Variants in PNPLA8 observed in about 807,000 individuals in gnomAD.
PNPLA8 encodes the protein patatin like domain 8, phospholipase A2, also known as calcium-independent phospholipase A2-gamma.
PNPLA8 carries 39 observed loss-of-function variants against 76.9 expected under a neutral mutation model. That is an observed-to-expected ratio of 0.51 (90% CI 0.39 to 0.66). The LOEUF (loss-of-function observed/expected upper bound fraction) is 0.66, where lower values mean the gene tolerates loss of function less well. PNPLA8 is among the 30% of genes least tolerant of loss of function. The pLI is 0.00. For missense variants in PNPLA8, 887 were observed against 918.0 expected (o/e 0.97, Z 0.44); for synonymous variants, 301 against 307.9 (o/e 0.98, Z 0.24).
chr7:108,483,769 A>G (rs942736246), intron 9 of PNPLA8, among the ~76,000 whole-genome samples: 2 of 152,166 alleles, frequency 1.3e-5, no homozygotes, highest in East Asian at 3.9e-4. Flanking sequence ...GATTCCTTCA[A>G]TGCAGGTGGT....
chr7:108,476,300 C>T (rs1460942608), intron 10 of PNPLA8, among the ~76,000 whole-genome samples: 1 of 152,030 alleles, frequency 6.6e-6, no homozygotes, highest in Non-Finnish European at 1.5e-5. Flanking sequence ...CCAAATAAGC[C>T]CATTACATGG....
Position 108,470,954 on chromosome 7 carries a change from A to G in PNPLA8, c.*1447T>C, listed in dbSNP as rs1859591722. On this transcript the variant is annotated 3_prime_UTR_variant, in exon 11 of 11. Transcript: ENST00000257694. Reference sequence around the variant, plus strand: ...CACATCTCACAGCCTCTGTGAATTGATATTGCAAAGAAGCAATATGACTAT... The same window carrying G: ...CACATCTCACAGCCTCTGTGAATTGGTATTGCAAAGAAGCAATATGACTAT... 2 of 152,174 alleles carry G rather than the reference A, an allele frequency of 1.3e-5. No individual in the cohort carries two copies. Among genetic ancestry groups the G allele is most frequent in the Admixed American group, 1.3e-4 (2 of 15,266 alleles). 9.4% of individuals were successfully genotyped at this position (152,174 alleles called of 1,614,324 possible).
At chr7:108,509,665 T>C (rs1331848568) in intron 4 of PNPLA8, among the ~76,000 whole-genome samples, 1 of 151,828 alleles carries the variant, frequency 6.6e-6, no homozygotes, top group Non-Finnish European at 1.5e-5. Flanking sequence ...GACCCAGCCA[T>C]TCCATTACTG....
At chr7:108,527,071 C>G (rs768264169), upstream of PNPLA8, among the ~76,000 whole-genome samples, 10 of 152,144 alleles carry the variant, frequency 6.6e-5, no homozygotes, top group Non-Finnish European at 1.3e-4. Context: ...CTTGCAATTA[C>G]GTTGAGGTCG....
intron 2 of PNPLA8, among the ~76,000 whole-genome samples, chr7:108,517,779 T>C (rs989392896): frequency 2.0e-5 from 3 of 152,138 alleles, no homozygotes; most frequent in African/African-American, 7.2e-5. Flanking sequence ...TGTGTGTGTG[T>C]GTTTTATAGA....
intron 7 of PNPLA8, among the ~76,000 whole-genome samples, chr7:108,492,396 GTTCT>G (rs1861247115): frequency 2.0e-5 from 3 of 151,870 alleles, no homozygotes; most frequent in Non-Finnish European, 2.9e-5. Context: ...TCTTTTTAAG[GTTCT>G]TTGTCTTTTC....
At chr7:108,485,952 T>C (rs1202859089) in intron 9 of PNPLA8, among the ~76,000 whole-genome samples, 1 of 152,098 alleles carries the variant, frequency 6.6e-6, no homozygotes, top group Non-Finnish European at 1.5e-5. Context: ...ATAAATAACA[T>C]TTATTTATTC....
At chr7:108,518,758 T>TATATATATATAC (rs1554690263) in intron 2 of PNPLA8, among the ~76,000 whole-genome samples, 3 of 123,072 alleles carry the variant, frequency 2.4e-5, no homozygotes, top group South Asian at 2.7e-4. Context: ...TATATATATA[T>TATATATATATAC]ACACACACAC....
At chr7:108,482,322 A>C (rs1860454400) in intron 9 of PNPLA8, among the ~76,000 whole-genome samples, 1 of 152,106 alleles carries the variant, frequency 6.6e-6, no homozygotes, top group Non-Finnish European at 1.5e-5. Flanking sequence ...AATAAGAAAC[A>C]TTAGCTGGGG....
chr7:108,524,964 G>T (rs1044583176), intron 1 of PNPLA8, among the ~76,000 whole-genome samples: 1 of 152,124 alleles, frequency 6.6e-6, no homozygotes, highest in Non-Finnish European at 1.5e-5. Flanking sequence ...GGCTGTTCTT[G>T]TAACAACTTT....
At chr7:108,522,123 G>C (rs371172789) in intron 1 of PNPLA8, among the ~76,000 whole-genome samples, 4 of 151,180 alleles carry the variant, frequency 2.6e-5, no homozygotes, top group African/African-American at 9.7e-5. Context: ...GTGAAACCCC[G>C]TCTCTACTAA....
intron 8 of PNPLA8, among the ~76,000 whole-genome samples, chr7:108,488,180 A>G (rs1318561151): frequency 6.6e-6 from 1 of 152,218 alleles, no homozygotes; most frequent in African/African-American, 2.4e-5. Context: ...AATAATAATA[A>G]AAGAGATTTA....
upstream of PNPLA8, among the ~76,000 whole-genome samples, chr7:108,527,100 A>G (rs1864125046): frequency 6.6e-6 from 1 of 152,172 alleles, no homozygotes; most frequent in Non-Finnish European, 1.5e-5. Flanking sequence ...GATCAGTTTC[A>G]ACTAGTTATC....
intron 10 of PNPLA8, among the ~76,000 whole-genome samples, chr7:108,474,198 T>C (rs1453227721): frequency 1.3e-5 from 2 of 152,210 alleles, no homozygotes; most frequent in African/African-American, 2.4e-5. Context: ...CTTTCCTTTC[T>C]GATTCATATT....
intron 6 of PNPLA8, 105 bp downstream of exon 6, chr7:108,497,378 A>G: frequency 1.4e-6 from 1 of 720,884 alleles, no homozygotes; most frequent in Non-Finnish European, 2.2e-6. Context: ...GGGTATGGAG[A>G]GAGGGCTGAA....
At chr7:108,521,966 C>T (rs998171371) in intron 1 of PNPLA8, among the ~76,000 whole-genome samples, 2 of 152,154 alleles carry the variant, frequency 1.3e-5, no homozygotes, top group Non-Finnish European at 2.9e-5. Context: ...TATACCCCTC[C>T]AGCATTCACA....
In PNPLA8 at chr7:108,472,395, T is replaced by C. The variant is rs768137270; in HGVS notation, c.*6A>G. 3 of 1,543,176 alleles carry C rather than the reference T, an allele frequency of 1.9e-6. No individual in the cohort carries two copies. Among genetic ancestry groups the C allele is most frequent in the Admixed American group, 3.8e-5 (2 of 52,158 alleles). ...CTTCATTTATGAGAACATAAGCATA[T>C]ACTCATCACAATTTTGAAAAGAATG... On this transcript the variant is annotated 3_prime_UTR_variant, in exon 11 of 11. Transcript: ENST00000257694.
intron 9 of PNPLA8, among the ~76,000 whole-genome samples, chr7:108,481,065 TA>T (rs1350140564): frequency 2.0e-5 from 3 of 152,212 alleles, no homozygotes; most frequent in African/African-American, 7.2e-5. Context: ...TACTCCTTTT[TA>T]CTGCTGATTG....
chr7:108,479,054 C>T (rs1004425391), intron 10 of PNPLA8, 130 bp downstream of exon 10: 66 of 610,190 alleles, frequency 1.1e-4, no homozygotes, highest in Non-Finnish European at 1.7e-4. Flanking sequence ...AAAATGTTTC[C>T]TCCCATGTAC....
Sources: allele counts gnomAD v4.1 joint callset (sites outside exome capture counted in the v4.1 genomes callset), GRCh38; gene constraint gnomAD v4.1.1; transcripts MANE v1.5; gene names NCBI Gene and HGNC (gene_info 2026-07-23, HGNC 2026-07-21).